The following UBXN7 variants were observed in gnomAD, a reference collection of about 807,000 sequenced individuals.
UBXN7 encodes UBX domain-containing protein 7.
A neutral mutation model predicts 58.0 loss-of-function variants in UBXN7; 9 were observed. The ratio of observed to expected loss-of-function variants is 0.16; its 90% CI spans 0.09 to 0.27. UBXN7 has a LOEUF of 0.27. UBXN7 is among the 10% of genes least tolerant of loss of function. The pLI is 1.00. For missense variants in UBXN7, 328 were observed against 599.6 expected (o/e 0.55, Z 4.73); for synonymous variants, 208 against 205.0 (o/e 1.01, Z -0.12).
intron 5 of UBXN7, among the ~76,000 whole-genome samples, chr3:196,389,748 T>TA (rs1729519705): frequency 6.6e-6 from 1 of 152,206 alleles, no homozygotes; most frequent in Non-Finnish European, 1.5e-5. Context: ...TTTTTCTTTA[T>TA]AAATTGCCCA....
chr3:196,364,701 TTG>T (rs1453957198), intron 8 of UBXN7, among the ~76,000 whole-genome samples: 1 of 148,260 alleles, frequency 6.7e-6, no homozygotes, highest in African/African-American at 2.5e-5. Context: ...TTTTTGCTGG[TTG>T]TTTTTTTTTT....
intron 1 of UBXN7, among the ~76,000 whole-genome samples, chr3:196,419,153 G>A (rs1730596588): frequency 6.6e-6 from 1 of 151,954 alleles, no homozygotes; most frequent in South Asian, 2.1e-4. Flanking sequence ...CACCTACTAG[G>A]GACGTCCCAG....
chr3:196,357,106 T>A (rs1728371343), intron 10 of UBXN7, among the ~76,000 whole-genome samples: 1 of 152,216 alleles, frequency 6.6e-6, no homozygotes, highest in Non-Finnish European at 1.5e-5. Flanking sequence ...CCAATAAATA[T>A]ACCCAGTCAC....
chr3:196,385,695 G>GCC (rs1225430416), intron 5 of UBXN7, among the ~76,000 whole-genome samples: 6 of 149,710 alleles, frequency 4.0e-5, no homozygotes. Flanking sequence ...CCCAGCAGCC[G>GCC]CCCCGTCTGG....
intron 5 of UBXN7, 43 bp downstream of exon 5, chr3:196,391,770 C>A (rs1211401880): frequency 6.1e-6 from 9 of 1,464,064 alleles, no homozygotes; most frequent in African/African-American, 1.4e-5. Context: ...ATTGAAAATG[C>A]AAAAGGATTC....
intron 5 of UBXN7, among the ~76,000 whole-genome samples, chr3:196,390,775 T>G (rs77106706): frequency 0.01 from 1,523 of 150,084 alleles, 9 homozygotes; most frequent in Non-Finnish European, 0.015. Flanking sequence ...CTGATTTACA[T>G]CTATGGAAAT....
At chr3:196,393,806 C>A (rs994235510) in intron 3 of UBXN7, 187 bp from the exon 4 acceptor site, 47 of 438,822 alleles carry the variant, frequency 1.1e-4, no homozygotes, top group Admixed American at 7.2e-4. Flanking sequence ...GCTGCCGCAG[C>A]GAGCACAGTA....
At chr3:196,416,007 CTT>C (rs1264135298) in intron 1 of UBXN7, 1 of 152,186 alleles carries the variant, frequency 6.6e-6, no homozygotes, top group African/African-American at 2.4e-5. Context: ...TATTTTGGCT[CTT>C]GTCTAAGTGC....
At chr3:196,402,923 A>G in intron 3 of UBXN7, 29 bp downstream of exon 3, 2 of 1,584,088 alleles carry the variant, frequency 1.3e-6, no homozygotes, top group Non-Finnish European at 1.7e-6. Flanking sequence ...ACAAAATCAA[A>G]TAAGGCTAAG....
intron 5 of UBXN7, among the ~76,000 whole-genome samples, chr3:196,373,647 TAAG>T (rs770887194): frequency 1.2e-4 from 19 of 152,094 alleles, no homozygotes; most frequent in Admixed American, 8.5e-4. Context: ...TCTTCTGTTT[TAAG>T]AAGGTCTACA....
intron 3 of UBXN7, among the ~76,000 whole-genome samples, chr3:196,396,115 T>TCCTC (rs1729762426): frequency 6.7e-6 from 1 of 150,318 alleles, no homozygotes; most frequent in Non-Finnish European, 1.5e-5. Flanking sequence ...CTCTCTACCT[T>TCCTC]CCTCCCTCCC....
chr3:196,391,158 T>C (rs901305894), intron 5 of UBXN7, among the ~76,000 whole-genome samples: 7 of 152,128 alleles, frequency 4.6e-5, no homozygotes, highest in African/African-American at 1.7e-4. Flanking sequence ...TACAAATGGC[T>C]AACAAACCAC....
chr3:196,361,694 A>G, intron 10 of UBXN7, 150 bp downstream of exon 10: 1 of 627,670 alleles, frequency 1.6e-6, no homozygotes, highest in South Asian at 2.8e-5. Flanking sequence ...TAATTAAGTT[A>G]TGTGCTTTTT....
chr3:196,361,505 T>C (rs1204747163), intron 10 of UBXN7, among the ~76,000 whole-genome samples: 2 of 151,992 alleles, frequency 1.3e-5, no homozygotes, highest in Non-Finnish European at 2.9e-5. Flanking sequence ...ACAGAGAAAT[T>C]TTTTGTCGAA....
At chr3:196,395,274 A>T (rs549894952) in intron 3 of UBXN7, among the ~76,000 whole-genome samples, 1 of 152,326 alleles carries the variant, frequency 6.6e-6, no homozygotes, top group Non-Finnish European at 1.5e-5. Flanking sequence ...AGAACTACCG[A>T]GTAAAAGGCA....
In UBXN7 at chr3:196,371,968, C is replaced by T. The variant is rs1728847061; in HGVS notation, c.543G>A (p.Gln181=). 1 of 1,614,002 alleles carries T rather than the reference C, an allele frequency of 6.2e-7. No individual in the cohort carries two copies. The highest frequency in any genetic ancestry group is 8.5e-7 in the Non-Finnish European group (1 of 1,180,010). The part of the protein sequence containing the change: ...NIQNVQDFAC[Q]CLNRDVWSNE... The stretch of plus-strand genomic sequence containing the variant: ...TGCTCCACACATCGCGGTTGAGGCA[C>T]TGACATGCAAAGTCTTGAACATTTT... Residue 181 remains glutamine (Q), a synonymous_variant, in exon 6 of 11, where the codon CAG becomes CAA. Transcript: ENST00000296328.
chr3:196,417,905 A>T (rs1008932292), intron 1 of UBXN7, among the ~76,000 whole-genome samples: 1 of 151,422 alleles, frequency 6.6e-6, no homozygotes, highest in South Asian at 2.1e-4. Flanking sequence ...TGGGTGACAG[A>T]GCAAAATCCT....
At chr3:196,358,910 C>A (rs1172955675) in intron 10 of UBXN7, among the ~76,000 whole-genome samples, 2 of 151,836 alleles carry the variant, frequency 1.3e-5, no homozygotes, top group Non-Finnish European at 2.9e-5. Flanking sequence ...ATCCTCCCAC[C>A]TTGGCCTCCC....
rs755537843 is a variant in UBXN7 at position 196,371,926 on chromosome 3, A to G, written c.585T>C (p.Asn195=). 1 of 1,613,092 alleles carries G rather than the reference A, an allele frequency of 6.2e-7. No homozygotes were observed. Among genetic ancestry groups the G allele is most frequent in the Non-Finnish European group, 8.5e-7 (1 of 1,179,772 alleles). ...AGAAAATGAAATGTTCCCGGATAAT[A>G]TTCTTCACAGCTTCGTTGCTCCACA... is the stretch of plus-strand genomic sequence containing the variant. ...RDVWSNEAVK[N]IIREHFIFWQ... The change falls in exon 6 of 11, where the codon AAT becomes AAC. Residue 195 remains asparagine, a synonymous_variant. Transcript: ENST00000296328.
Sources: allele counts gnomAD v4.1 joint callset (sites outside exome capture counted in the v4.1 genomes callset), GRCh38; gene constraint gnomAD v4.1.1; transcripts MANE v1.5; gene names NCBI Gene and HGNC (gene_info 2026-07-23, HGNC 2026-07-21).